HUNK: variants seen among roughly 807,000 people sequenced by gnomAD.
HUNK encodes the protein hormonally up-regulated Neu-associated kinase.
In HUNK, 21 loss-of-function variants were observed where a neutral mutation model predicts 61.0. That is an observed-to-expected ratio of 0.34 (90% CI 0.24 to 0.50). HUNK has a LOEUF of 0.50. Among genes scored for constraint, HUNK ranks in the 20% least tolerant of loss-of-function variants. The probability of loss-of-function intolerance (pLI) is 0.98; values close to 1 mark genes in which losing one functional copy is unlikely to be tolerated. For missense variants in HUNK, 772 were observed against 945.7 expected (o/e 0.82, Z 2.41); for synonymous variants, 371 against 386.1 (o/e 0.96, Z 0.46).
At chr21:31,883,030 T>TG (rs2052320103) in intron 1 of HUNK, among the ~76,000 whole-genome samples, 1 of 152,108 alleles carries the variant, frequency 6.6e-6, no homozygotes, top group African/African-American at 2.4e-5. Context: ...TTTTTTTTTT[T>TG]TTGTTATTCT....
At chr21:31,900,488 T>C (rs1438573631) in intron 1 of HUNK, among the ~76,000 whole-genome samples, 1 of 88,822 alleles carries the variant, frequency 1.1e-5, no homozygotes, top group Non-Finnish European at 2.2e-5. Flanking sequence ...CAAACTCTAC[T>C]GTGCTCGTCA....
intron 3 of HUNK, among the ~76,000 whole-genome samples, chr21:31,943,607 C>T (rs554073536): frequency 2.9e-4 from 44 of 152,222 alleles, no homozygotes; most frequent in Non-Finnish European, 4.1e-4. Flanking sequence ...AGTTGCTTAA[C>T]ATGCAGATTC....
intron 1 of HUNK, among the ~76,000 whole-genome samples, chr21:31,901,585 C>T (rs938161612): frequency 1.3e-5 from 2 of 152,062 alleles, no homozygotes; most frequent in Non-Finnish European, 2.9e-5. Flanking sequence ...GGACCCAGGG[C>T]CAGTCACATC....
intron 2 of HUNK, among the ~76,000 whole-genome samples, chr21:31,928,735 G>C (rs1171254006): frequency 6.6e-6 from 1 of 152,208 alleles, no homozygotes; most frequent in Non-Finnish European, 1.5e-5. Flanking sequence ...TTAACGGAAT[G>C]TCTTGACTTT....
chr21:31,879,729 G>A (rs1252414306), intron 1 of HUNK, among the ~76,000 whole-genome samples: 1 of 152,206 alleles, frequency 6.6e-6, no homozygotes, highest in East Asian at 1.9e-4. Flanking sequence ...GAAGGGGTGG[G>A]GAGTGGCAGC....
rs1185031177 is a variant in HUNK at position 31,924,659 on chromosome 21, G to T, written c.453G>T (p.Lys151Asn). 1.9e-6 allele frequency: 3 copies of T among 1,614,008 alleles called. No individual in the cohort carries two copies. The highest frequency in any genetic ancestry group is 1.7e-6 in the Non-Finnish European group (2 of 1,180,022). ...ELCPGGNLMH[K>N]IYEKKRLEES... ...GCCCTGGGGGCAACCTGATGCACAA[G>T]ATCTATGAGAAGAAGCGGCTGGAGG... is the stretch of plus-strand genomic sequence containing the variant. Residue 151 changes from lysine to asparagine, a missense_variant, in exon 2 of 11, where the codon AAG becomes AAT. Physicochemically the swap from Lys to Asn is moderately conservative, Grantham distance 94. This residue lies in a region of HUNK where 359 missense variants were observed against 501.3 expected (regional missense o/e 0.72). Coordinates refer to ENST00000270112, the MANE Select transcript of HUNK (RefSeq NM_014586.2). This position sits in a 1 kb window ranked among gnomAD's most constrained non-coding sequence, Gnocchi z 5.1.
In HUNK at chr21:31,990,176, G is replaced by C. The variant is rs199599516; in HGVS notation, c.1305G>C (p.Gln435His). ...WTRDLEFHAV[Q>H]DKKPKEQEKR... Reference sequence around the variant, plus strand: ...GAGATCTTGAATTCCATGCCGTGCAGGTAAGAACTTGGGGGATTATTATGT... The same window carrying C: ...GAGATCTTGAATTCCATGCCGTGCACGTAAGAACTTGGGGGATTATTATGT... The change falls in exon 9 of 11, where the codon CAG becomes CAC. Residue 435 changes from glutamine to histidine, a missense_variant and splice_region_variant. By Grantham distance (24) the Gln-to-His change is conservative. Around this residue, in one of 2 missense-constraint regions of HUNK, gnomAD observed 413 missense variants for 444.4 expected, o/e 0.93. Transcript: ENST00000270112. The C allele has an allele frequency of 1.2e-5, 19 of 1,613,516 alleles. No homozygotes were observed. The Admixed American group carries it at 2.3e-4, about 20-fold the overall frequency.
intron 7 of HUNK, among the ~76,000 whole-genome samples, chr21:31,978,986 A>G (rs2053071375): frequency 6.6e-6 from 1 of 152,026 alleles, no homozygotes; most frequent in Admixed American, 6.5e-5. Context: ...CCTCTCCAAC[A>G]TGTGGTATCT....
At chr21:31,943,410 T>C (rs1246389127) in intron 3 of HUNK, among the ~76,000 whole-genome samples, 1 of 152,202 alleles carries the variant, frequency 6.6e-6, no homozygotes, top group Non-Finnish European at 1.5e-5. Flanking sequence ...TTGGTTGATA[T>C]ATTTACCAAA....
chr21:31,982,558 A>G (rs13049417), intron 7 of HUNK, among the ~76,000 whole-genome samples: 17,042 of 152,252 alleles, frequency 0.11, 1,330 homozygotes, highest in Non-Finnish European at 0.18. Context: ...CGAAGTTCGT[A>G]TTTTAAGATA....
intron 1 of HUNK, among the ~76,000 whole-genome samples, chr21:31,877,540 C>T (rs2052273050): frequency 6.6e-6 from 1 of 152,018 alleles, no homozygotes; most frequent in Non-Finnish European, 1.5e-5. Context: ...TAATTGTGTC[C>T]TCCTTTGAGT....
chr21:31,999,690 G>A lies in HUNK; in HGVS notation c.*506G>A, dbSNP rs1048568981. 3 of 159,774 alleles carry A rather than the reference G, an allele frequency of 1.9e-5. No individual in the cohort carries two copies. Among genetic ancestry groups the A allele is most frequent in the East Asian group, 3.7e-4 (2 of 5,388 alleles). 9.9% of individuals were successfully genotyped at this position (159,774 alleles called of 1,614,324 possible). Reference sequence around the variant, plus strand: ...GATTACCTGAAGGCCAGCAGGAGCCGGGGGCAGGCCCAGGATCCTCAGAGG... The same window carrying A: ...GATTACCTGAAGGCCAGCAGGAGCCAGGGGCAGGCCCAGGATCCTCAGAGG... On this transcript the variant is annotated 3_prime_UTR_variant, in exon 11 of 11. Transcript: ENST00000270112.
At chr21:31,932,780 T>G (rs556022154) in intron 2 of HUNK, among the ~76,000 whole-genome samples, 1 of 152,214 alleles carries the variant, frequency 6.6e-6, no homozygotes, top group South Asian at 2.1e-4. Flanking sequence ...CTGAGCTCCC[T>G]GCTCCTGCTT....
chr21:31,941,939 G>A (rs1453387100), intron 3 of HUNK, among the ~76,000 whole-genome samples: 5 of 152,204 alleles, frequency 3.3e-5, no homozygotes, highest in Non-Finnish European at 7.3e-5. Flanking sequence ...AATAGGCCAG[G>A]TGCAGTGGCT....
In HUNK at chr21:31,961,290, C is replaced by G. The variant is rs574182418; in HGVS notation, c.874+2320C>G. On this transcript the variant is annotated intron_variant, in intron 5 of 10. Coordinates refer to ENST00000270112, the MANE Select transcript of HUNK (RefSeq NM_014586.2). The stretch of plus-strand genomic sequence containing the variant: ...GTGGATATACCGCAGTTTGTTTCAC[C>G]ATTTACCCACTGAAGGACCGTTGAG... Among the ~76,000 whole-genome samples the G allele has an allele frequency of 3.9e-4, 59 of 152,146 alleles. No individual in the cohort carries two copies. In the South Asian group the frequency reaches 0.01, roughly 26 times the overall value.
intron 5 of HUNK, among the ~76,000 whole-genome samples, chr21:31,963,822 A>T (rs1302876719): frequency 6.6e-6 from 1 of 152,226 alleles, no homozygotes; most frequent in Non-Finnish European, 1.5e-5. Context: ...TAATGATCAT[A>T]TCTATTAATT....
intron 4 of HUNK, among the ~76,000 whole-genome samples, chr21:31,950,464 A>G (rs1224768301): frequency 1.3e-5 from 2 of 152,202 alleles, no homozygotes; most frequent in Non-Finnish European, 2.9e-5. Flanking sequence ...CAGGTGGAGA[A>G]CAGGTGGGGA....
At chr21:31,919,882 C>T (rs1010673) in intron 1 of HUNK, among the ~76,000 whole-genome samples, 5,977 of 152,258 alleles carry the variant, frequency 0.039, 392 homozygotes, top group African/African-American at 0.13. Context: ...CCTGGAAATG[C>T]GTCCCAAAGG....
At chr21:31,916,208 A>T (rs1358172367) in intron 1 of HUNK, among the ~76,000 whole-genome samples, 1 of 149,638 alleles carries the variant, frequency 6.7e-6, no homozygotes, top group African/African-American at 2.5e-5. Context: ...CCACCACCAT[A>T]CCCGGCTAAT....
Sources: allele counts gnomAD v4.1 joint callset (sites outside exome capture counted in the v4.1 genomes callset), GRCh38; gene constraint gnomAD v4.1.1; regional missense constraint gnomAD v4.1.1; non-coding constraint Gnocchi (gnomAD v3.1); transcripts MANE v1.5; gene names NCBI Gene and HGNC (gene_info 2026-07-23, HGNC 2026-07-21).